LRMDA: variants seen among roughly 807,000 people sequenced by gnomAD.
LRMDA encodes the protein leucine-rich melanocyte differentiation-associated protein.
In LRMDA, 18 loss-of-function variants were observed where a neutral mutation model predicts 29.8. The observed-to-expected ratio is 0.60, with a 90% CI of 0.42 to 0.90. The LOEUF is 0.90. Ranked by LOEUF, LRMDA falls within the 40% of genes least tolerant of loss-of-function variation. LRMDA has a pLI of 0.00. For synonymous variants in LRMDA, 125 were observed against 109.4 expected (o/e 1.14, Z -0.89); for missense variants, 273 against 273.9 (o/e 1.00, Z 0.02).
At chr10:75,486,646 G>T (rs994251886) in intron 2 of LRMDA, among the ~76,000 whole-genome samples, 11 of 151,500 alleles carry the variant, frequency 7.3e-5, no homozygotes, top group Admixed American at 3.3e-4. Flanking sequence ...ATTCTGGTCT[G>T]GGGGGGGCAA....
intron 5 of LRMDA, among the ~76,000 whole-genome samples, chr10:76,263,786 C>T (rs1409777037): frequency 6.6e-6 from 1 of 151,968 alleles, no homozygotes; most frequent in Non-Finnish European, 1.5e-5. Context: ...GATAGGTGAC[C>T]CTGAGAGGGA....
chr10:76,113,510 CAG>C (rs906776799), intron 5 of LRMDA, among the ~76,000 whole-genome samples: 8 of 151,988 alleles, frequency 5.3e-5, no homozygotes, highest in African/African-American at 1.7e-4. Context: ...AAAATCAGAA[CAG>C]AGTGTTGGTG....
intron 2 of LRMDA, among the ~76,000 whole-genome samples, chr10:75,838,446 GA>G (rs1844480326): frequency 6.6e-6 from 1 of 152,036 alleles, no homozygotes; most frequent in South Asian, 2.1e-4. Flanking sequence ...AATAAATTCT[GA>G]AAGATTATTT....
chr10:76,106,105 A>C (rs1849479956), intron 5 of LRMDA, among the ~76,000 whole-genome samples: 1 of 152,232 alleles, frequency 6.6e-6, no homozygotes, highest in Admixed American at 6.5e-5. Flanking sequence ...AGCCCCAGGA[A>C]ACTATTAGTA....
intron 2 of LRMDA, among the ~76,000 whole-genome samples, chr10:75,666,391 T>C (rs1841822507): frequency 2.6e-5 from 4 of 151,766 alleles, no homozygotes; most frequent in Admixed American, 2.6e-4. Flanking sequence ...TATTTTAATT[T>C]TGAATTTTGT....
chr10:76,112,470 G>T (rs1212520148), intron 5 of LRMDA, among the ~76,000 whole-genome samples: 3 of 152,220 alleles, frequency 2.0e-5, no homozygotes, highest in East Asian at 1.9e-4. Flanking sequence ...CCTCTTGCAC[G>T]GATCCCCCAA....
At chr10:76,123,259 A>T (rs1237625628) in intron 5 of LRMDA, among the ~76,000 whole-genome samples, 2 of 151,830 alleles carry the variant, frequency 1.3e-5, no homozygotes, top group African/African-American at 4.8e-5. Context: ...CTATAATCCT[A>T]GTACTTTGGG....
chr10:76,245,757 A>T (rs1009796459), intron 5 of LRMDA, among the ~76,000 whole-genome samples: 1 of 152,240 alleles, frequency 6.6e-6, no homozygotes, highest in Admixed American at 6.5e-5. Flanking sequence ...CCCTTATACT[A>T]TGACAGCTCT....
At chr10:76,280,265 G>T (rs1027730184) in intron 5 of LRMDA, among the ~76,000 whole-genome samples, 3 of 152,130 alleles carry the variant, frequency 2.0e-5, no homozygotes, top group South Asian at 2.1e-4. Context: ...GGATGTGATG[G>T]AAAGAATGAA....
At chr10:76,060,477 G>A (rs533660692) in intron 5 of LRMDA, among the ~76,000 whole-genome samples, 2 of 152,270 alleles carry the variant, frequency 1.3e-5, no homozygotes, top group South Asian at 4.2e-4. Flanking sequence ...TATGGGTGAG[G>A]GAACTGAGGG....
At chr10:76,398,234 T>C (rs1264208154) in intron 6 of LRMDA, among the ~76,000 whole-genome samples, 1 of 152,150 alleles carries the variant, frequency 6.6e-6, no homozygotes, top group Admixed American at 6.5e-5. Context: ...TAAAGACAAC[T>C]CTATCAGCTG....
At chr10:76,289,166 C>A (rs888731573) in intron 5 of LRMDA, among the ~76,000 whole-genome samples, 1 of 152,058 alleles carries the variant, frequency 6.6e-6, no homozygotes, top group Admixed American at 6.6e-5. Flanking sequence ...ACAAACTTGG[C>A]CTGTGTGGTG....
chr10:76,070,482 AAGG>A (rs1448768587), intron 5 of LRMDA, among the ~76,000 whole-genome samples: 4 of 152,146 alleles, frequency 2.6e-5, no homozygotes, highest in Admixed American at 6.5e-5. Flanking sequence ...AAAGAAAGAG[AAGG>A]AGATCTCTCC....
At chr10:75,660,693 G>C (rs1245074452) in intron 2 of LRMDA, among the ~76,000 whole-genome samples, 2 of 151,704 alleles carry the variant, frequency 1.3e-5, no homozygotes. Flanking sequence ...AGCATTGAAG[G>C]TGTTCACCAT....
intron 2 of LRMDA, among the ~76,000 whole-genome samples, chr10:75,535,189 AT>A (rs896733396): frequency 6.6e-5 from 10 of 151,206 alleles, no homozygotes; most frequent in East Asian, 3.9e-4. Context: ...TTTTTCAGGG[AT>A]TTTTTTTTCC....
At chr10:76,014,023 T>A (rs966111058) in intron 2 of LRMDA, among the ~76,000 whole-genome samples, 1 of 148,404 alleles carries the variant, frequency 6.7e-6, no homozygotes, top group Admixed American at 6.7e-5. Flanking sequence ...CCACATTACA[T>A]CCCATACCAT....
intron 2 of LRMDA, among the ~76,000 whole-genome samples, chr10:75,461,327 GT>G (rs1044361980): frequency 3.3e-5 from 5 of 152,078 alleles, no homozygotes; most frequent in Non-Finnish European, 7.4e-5. Flanking sequence ...AAAGATAAGG[GT>G]TTTTTTTCCT....
chr10:76,215,977 T>C lies in LRMDA; in HGVS notation c.517-108424T>C, dbSNP rs1314600904. Among the ~76,000 whole-genome samples, 6 of 152,270 alleles carry C rather than the reference T, an allele frequency of 3.9e-5. No homozygotes were observed. In the East Asian group the frequency reaches 1.2e-3, roughly 29 times the overall value. Reference sequence around the variant, plus strand: ...GCAAAAAGATTTCCTTAAAAAGACATAAAGAGGGTTGACTATAAAAGATTG... The same window carrying C: ...GCAAAAAGATTTCCTTAAAAAGACACAAAGAGGGTTGACTATAAAAGATTG... On this transcript the variant is annotated intron_variant, in intron 5 of 6. Transcript: ENST00000611255.
chr10:76,548,956 G>A (rs78844173), intron 6 of LRMDA, among the ~76,000 whole-genome samples: 2,172 of 152,308 alleles, frequency 0.014, 30 homozygotes, highest in Non-Finnish European at 0.024. Context: ...CCCAAGATGG[G>A]AGAGTAGAGA....
Sources: gnomAD v4.1 joint callset for allele counts (sites outside exome capture counted in the v4.1 genomes callset) on GRCh38, gnomAD v4.1.1 for gene constraint, MANE v1.5 for transcripts, NCBI Gene and HGNC (gene_info 2026-07-23, HGNC 2026-07-21) for gene names.